Variants in TEP1 observed in about 807,000 individuals in gnomAD.
TEP1 encodes the protein telomerase associated protein 1, also known as telomerase protein component 1.
Under a neutral mutation model 306.3 loss-of-function variants are expected in TEP1, and 241 were observed. The ratio of observed to expected loss-of-function variants is 0.79; its 90% CI spans 0.71 to 0.88. TEP1 has a LOEUF of 0.88. TEP1 is among the 40% of genes least tolerant of loss of function. The probability of loss-of-function intolerance (pLI) is 0.00; values close to 1 mark genes in which losing one functional copy is unlikely to be tolerated. For synonymous variants in TEP1, 1,289 were observed against 1,305.5 expected (o/e 0.99, Z 0.27); for missense variants, 3,051 against 3,276.1 (o/e 0.93, Z 1.68).
Position 20,383,193 on chromosome 14 carries a change from T to G in TEP1, c.4028A>C (p.Glu1343Ala). Reference sequence around the variant, plus strand: ...CCCAACCTGGTTGTTAAATGGTGACTCCTCCAGCCGCTTCCCGTACAGGGC... The same window carrying G: ...CCCAACCTGGTTGTTAAATGGTGACGCCTCCAGCCGCTTCCCGTACAGGGC... ...ELALYGKRLE[E>A]SPFNNQMRLL... The change falls in exon 27 of 55, where the codon GAG becomes GCG. Residue 1343 changes from glutamate to alanine, a missense_variant. This residue lies in a region of TEP1 where 1,540 missense variants were observed against 1,705.9 expected (regional missense o/e 0.90). Coordinates refer to ENST00000262715, the MANE Select transcript of TEP1 (RefSeq NM_007110.5). 1.9e-6 allele frequency: 3 copies of G among 1,604,216 alleles called. No individual in the cohort carries two copies. The highest frequency in any genetic ancestry group is 2.6e-6 in the Non-Finnish European group (3 of 1,175,798).
rs779764984 is a variant in TEP1 at position 20,383,839 on chromosome 14, C to A, written c.3614G>T (p.Arg1205Leu). The A allele has an allele frequency of 6.2e-7, 1 of 1,605,576 alleles. No homozygotes were observed. Among genetic ancestry groups the A allele is most frequent in the Non-Finnish European group, 8.5e-7 (1 of 1,179,092 alleles). ...AGTGAGGGCAAGACCCTGGTCAGGA[C>A]GAGCCCCAGAAAAGTGGAAGAAGAC... ...SLVFFHFSGARPDQGLALTLL... is the reference protein window; with the variant it reads ...SLVFFHFSGALPDQGLALTLL... Residue 1205 changes from arginine to leucine, a missense_variant, in exon 25 of 55, where the codon CGT (arginine) becomes CTT (leucine). By Grantham distance (102) the Arg-to-Leu change is moderately radical. This residue lies in a region of TEP1 where 1,507 missense variants were observed against 1,550.5 expected (regional missense o/e 0.97). Transcript: ENST00000262715.
At position 20,385,039 on chromosome 14, in the gene TEP1, C is replaced by T. The variant is rs764958691; in HGVS notation, c.3053G>A (p.Arg1018His). The T allele has an allele frequency of 6.8e-6, 11 of 1,614,212 alleles. No individual in the cohort carries two copies. Among genetic ancestry groups the T allele is most frequent in the South Asian group, 2.2e-5 (2 of 91,088 alleles). ...GAGAGCTTGGGCAGAGGGCTGCAGA[C>T]GTTGGTTCCGGTTCAGGAACTGCAT... ...EVMQFLNRNQ[R>H]LQPSAQALIY... The change falls in exon 21 of 55, where the codon CGT becomes CAT. Residue 1018 changes from arginine (R) to histidine (H), a missense_variant. By Grantham distance (29) the Arg-to-His change is conservative. This residue lies in a region of TEP1 where 1,507 missense variants were observed against 1,550.5 expected (regional missense o/e 0.97). Transcript: ENST00000262715.
At position 20,381,739 on chromosome 14, in the gene TEP1, C is replaced by T. The variant is rs1566453021; in HGVS notation, c.4425-53G>A. ...AAGAAGGAAGAGGCCTGTCAGTGAG[C>T]TTCCTGGCACACAGTGGGCTCCTAT... On this transcript the variant is annotated intron_variant, in intron 30 of 54. Coordinates refer to ENST00000262715, the MANE Select transcript of TEP1 (RefSeq NM_007110.5). The surrounding 1 kb of genome is among the most constrained non-coding windows in gnomAD (Gnocchi z 4.0). 1 of 1,542,414 alleles carries T rather than the reference C, an allele frequency of 6.5e-7. No homozygotes were observed. The highest frequency in any genetic ancestry group is 8.7e-7 in the Non-Finnish European group (1 of 1,147,900).
chr14:20,378,861 AG>A lies in TEP1; in HGVS notation c.5253-9del. ...GCCTTAGTCTGCAGCACCCTATCCC[AG>A]GAAGATGAAGTCAGTCCTCTGGACC... On this transcript the variant is annotated splice_polypyrimidine_tract_variant and intron_variant, in intron 36 of 54. Coordinates refer to ENST00000262715, the MANE Select transcript of TEP1 (RefSeq NM_007110.5). The A allele has an allele frequency of 6.2e-7, 1 of 1,614,162 alleles. No homozygotes were observed. The highest frequency in any genetic ancestry group is 8.5e-7 in the Non-Finnish European group (1 of 1,179,988).
At chr14:20,377,521 A>C (rs765068996) in intron 40 of TEP1, 29 bp from the exon 41 acceptor site, 1 of 1,612,458 alleles carries the variant, frequency 6.2e-7, no homozygotes. Context: ...CAAGGGAGTA[A>C]GACACTTGGG....
intron 42 of TEP1, 100 bp downstream of exon 42, chr14:20,376,004 A>C: frequency 6.5e-7 from 1 of 1,541,112 alleles, no homozygotes; most frequent in Non-Finnish European, 8.8e-7. Flanking sequence ...TAGATTTGGC[A>C]AAACAAAAAG....
At position 20,373,525 on chromosome 14, in the gene TEP1, C is replaced by T. The variant is rs1297557661; in HGVS notation, c.6663G>A (p.Arg2221=). Residue 2221 remains arginine, a synonymous_variant, in exon 46 of 55, where the codon CGG becomes CGA. Transcript: ENST00000262715. The part of the protein sequence containing the change: ...VVTVGLDGAT[R]LWHPLLVCQT... ...AACTCACCAAGAGTGGATGCCATAA[C>T]CGTGTGGCCCCATCTAGCCCGACGG... 1 of 1,614,120 alleles carries T rather than the reference C, an allele frequency of 6.2e-7. No individual in the cohort carries two copies. Among genetic ancestry groups the T allele is most frequent in the East Asian group, 2.2e-5 (1 of 44,898 alleles).
Position 20,395,909 on chromosome 14 carries a change from A to G in TEP1, c.1700T>C (p.Leu567Pro), listed in dbSNP as rs143779670. ...IHSRQFPFRF[L>P]NAHDAIDALE... The stretch of plus-strand genomic sequence containing the variant: ...GGCATCAATGGCATCATGGGCGTTA[A>G]GAAATCTGAATGGAAACTGCCGACT... The change falls in exon 11 of 55, where the codon CTT (leucine) becomes CCT (proline). Residue 567 changes from leucine to proline, a missense_variant. By Grantham distance (98) the Leu-to-Pro change is moderately conservative. Transcript: ENST00000262715. 18 of 1,614,036 alleles carry G rather than the reference A, an allele frequency of 1.1e-5. No homozygotes were observed. In the African/African-American group the frequency reaches 2.4e-4, roughly 22 times the overall value.
intron 9 of TEP1, among the ~76,000 whole-genome samples, chr14:20,397,264 A>G (rs865958810): frequency 6.6e-6 from 1 of 152,220 alleles, no homozygotes; most frequent in Non-Finnish European, 1.5e-5. Flanking sequence ...TACTAACATA[A>G]TGTAGCACAT....
chr14:20,369,045 T>C (rs1884656260), intron 53 of TEP1, 143 bp from the exon 54 acceptor site: 1 of 685,866 alleles, frequency 1.5e-6, no homozygotes, highest in Non-Finnish European at 2.4e-6. Context: ...TCTCGCTCTG[T>C]CGCCCAGGCT....
Position 20,377,445 on chromosome 14 carries a change from G to C in TEP1, c.5923C>G (p.Leu1975Val). 6.2e-7 allele frequency: 1 copy of C among 1,614,158 alleles called. No individual in the cohort carries two copies. The highest frequency in any genetic ancestry group is 8.5e-7 in the Non-Finnish European group (1 of 1,180,036). The change falls in exon 41 of 55, where the codon CTG becomes GTG. Residue 1975 changes from leucine to valine, a missense_variant. This residue lies in a region of TEP1 where 1,540 missense variants were observed against 1,705.9 expected (regional missense o/e 0.90). Transcript: ENST00000262715. The stretch of plus-strand genomic sequence containing the variant: ...AATACCTTGGGGCTTAGCCAGGCCA[G>C]GGCGGACACTGCCACATCCAGTGCC... ...GQALDVAVSA[L>V]AWLSPKVLVS...
At position 20,408,223 on chromosome 14, in the gene TEP1, C is replaced by T. The variant is rs745639320; in HGVS notation, c.217G>A (p.Asp73Asn). The T allele has an allele frequency of 5.6e-6, 9 of 1,613,386 alleles. No individual in the cohort carries two copies. Among genetic ancestry groups the T allele is most frequent in the Non-Finnish European group, 1.7e-6 (2 of 1,179,550 alleles). ...KPHGYVSAHPDILSLENQCLA... is the reference protein window; with the variant it reads ...KPHGYVSAHPNILSLENQCLA... ...CACTGGTTCTCCAAGGAGAGGATGT[C>T]TGGGTGGGCAGACACATATCCATGT... Residue 73 changes from aspartate to asparagine, a missense_variant, in exon 2 of 55, where the codon GAC becomes AAC. This residue lies in a region of TEP1 where 1,507 missense variants were observed against 1,550.5 expected (regional missense o/e 0.97). Coordinates refer to ENST00000262715, the MANE Select transcript of TEP1 (RefSeq NM_007110.5).
Position 20,368,237 on chromosome 14 carries a change from G to T in TEP1, c.*200C>A. 1 of 503,036 alleles carries T rather than the reference G, an allele frequency of 2.0e-6. No individual in the cohort carries two copies. Among genetic ancestry groups the T allele is most frequent in the Non-Finnish European group, 3.4e-6 (1 of 291,866 alleles). 31.2% of individuals were successfully genotyped at this position (503,036 alleles called of 1,614,324 possible). A position where few individuals can be genotyped will look rare whatever the true frequency, so the allele number is the denominator to read the frequency against. The stretch of plus-strand genomic sequence containing the variant: ...AATAAGAAGAGACACACATTAGAAT[G>T]TACATATACATACACATAGAATATC... On this transcript the variant is annotated 3_prime_UTR_variant, in exon 55 of 55. Coordinates refer to ENST00000262715, the MANE Select transcript of TEP1 (RefSeq NM_007110.5).
At chr14:20,390,577 G>T in intron 15 of TEP1, 104 bp downstream of exon 15, 2 of 1,071,362 alleles carry the variant, frequency 1.9e-6, no homozygotes, top group African/African-American at 1.6e-5. Context: ...TCTGACTATT[G>T]TATGTGGTTG....
chr14:20,376,093 C>T lies in TEP1; in HGVS notation c.6249+11G>A. ...TATGGGACCCCAGGGTTGCATCCTT[C>T]TGCAGCTCACCCGATCCCGGCCCCC... On this transcript the variant is annotated intron_variant, in intron 42 of 54. Coordinates refer to ENST00000262715, the MANE Select transcript of TEP1 (RefSeq NM_007110.5). 6.2e-7 allele frequency: 1 copy of T among 1,613,036 alleles called. No homozygotes were observed. Among genetic ancestry groups the T allele is most frequent in the Non-Finnish European group, 8.5e-7 (1 of 1,179,602 alleles).
intron 11 of TEP1, 83 bp from the exon 12 acceptor site, chr14:20,395,710 AC>A (rs1878143500): frequency 6.5e-7 from 1 of 1,537,494 alleles, no homozygotes; most frequent in Non-Finnish European, 8.8e-7. Flanking sequence ...CTGAGCCCCA[AC>A]CCTTGGGGCT....
Position 20,383,739 on chromosome 14 carries a change from C to T in TEP1, c.3710+4G>A. 6.2e-7 allele frequency: 1 copy of T among 1,610,504 alleles called. No homozygotes were observed. The highest frequency in any genetic ancestry group is 1.7e-4 in the Middle Eastern group (1 of 6,052). ...CAAGGCTGGGCTCATTGGGGGATAC[C>T]CACCGGTAGGTGCTGGGGAGGGCAC... On this transcript the variant is annotated splice_donor_region_variant and intron_variant, in intron 25 of 54. Transcript: ENST00000262715.
Position 20,401,150 on chromosome 14 carries a change from A to C in TEP1, c.1392-9T>G. 6.2e-7 allele frequency: 1 copy of C among 1,613,622 alleles called. No individual in the cohort carries two copies. Reference sequence around the variant, plus strand: ...GTAGGTTGGAGGGGTATCTGAGGATAGGTAAGAAAGAGGTCTATCATTTCA... The same window carrying C: ...GTAGGTTGGAGGGGTATCTGAGGATCGGTAAGAAAGAGGTCTATCATTTCA... On this transcript the variant is annotated splice_polypyrimidine_tract_variant and intron_variant, in intron 8 of 54. Coordinates refer to ENST00000262715, the MANE Select transcript of TEP1 (RefSeq NM_007110.5).
Position 20,375,836 on chromosome 14 carries a change from T to C in TEP1, c.6282A>G (p.Lys2094=). 1 of 1,613,518 alleles carries C rather than the reference T, an allele frequency of 6.2e-7. No homozygotes were observed. Among genetic ancestry groups the C allele is most frequent in the Non-Finnish European group, 8.5e-7 (1 of 1,179,958 alleles). The change falls in exon 43 of 55, where the codon AAA becomes AAG. Residue 2094 remains lysine (K), a synonymous_variant. Coordinates refer to ENST00000262715, the MANE Select transcript of TEP1 (RefSeq NM_007110.5). ...SLLCWDVRTP[K]TPVLIHSFPA... is the part of the protein sequence containing the mutation. The stretch of plus-strand genomic sequence containing the variant: ...GGAAGGAGTGGATCAAAACAGGGGT[T>C]TTGGGTGTCCTCACGTCCCAGCAGA...
Sources: allele counts gnomAD v4.1 joint callset (sites outside exome capture counted in the v4.1 genomes callset), GRCh38; gene constraint gnomAD v4.1.1; regional missense constraint gnomAD v4.1.1; non-coding constraint Gnocchi (gnomAD v3.1); transcripts MANE v1.5; gene names NCBI Gene and HGNC (gene_info 2026-07-23, HGNC 2026-07-21).